Variants in NKAIN3 observed in about 807,000 individuals in gnomAD.
NKAIN3 encodes the protein sodium/potassium transporting ATPase interacting 3.
In NKAIN3, 25 loss-of-function variants were observed where a neutral mutation model predicts 30.2. The ratio of observed to expected loss-of-function variants is 0.83; its 90% CI spans 0.60 to 1.16. NKAIN3 has a LOEUF of 1.16. Ranked by LOEUF, NKAIN3 falls within the 50% of genes most tolerant of loss-of-function variation. The probability of loss-of-function intolerance (pLI) is 0.00; values close to 1 mark genes in which losing one functional copy is unlikely to be tolerated. For missense variants in NKAIN3, 225 were observed against 254.1 expected (o/e 0.89, Z 0.78); for synonymous variants, 91 against 89.6 (o/e 1.02, Z -0.09).
At chr8:62,627,653 C>G (rs959139523) in intron 3 of NKAIN3, among the ~76,000 whole-genome samples, 1 of 152,086 alleles carries the variant, frequency 6.6e-6, no homozygotes, top group African/African-American at 2.4e-5. Flanking sequence ...TTACAACTTA[C>G]CTTTCACAAC....
At chr8:62,387,248 C>A (rs562256592) in intron 1 of NKAIN3, among the ~76,000 whole-genome samples, 48 of 151,398 alleles carry the variant, frequency 3.2e-4, no homozygotes, top group Middle Eastern at 3.4e-3. Context: ...GCGTGGGCCA[C>A]ATGGTAAAAG....
intron 4 of NKAIN3, among the ~76,000 whole-genome samples, chr8:62,829,043 G>T (rs1007897): frequency 0.72 from 108,803 of 152,052 alleles, 39,114 homozygotes; most frequent in Non-Finnish European, 0.76. Flanking sequence ...TGCTAAGTTT[G>T]GGGAGGTTTA....
intron 3 of NKAIN3, among the ~76,000 whole-genome samples, chr8:62,593,292 G>A (rs532390796): frequency 1.3e-5 from 2 of 151,450 alleles, no homozygotes; most frequent in Non-Finnish European, 2.9e-5. Context: ...ACAAATCAAA[G>A]AAGAAATTTA....
intron 4 of NKAIN3, among the ~76,000 whole-genome samples, chr8:62,807,699 C>A (rs1818344037): frequency 6.6e-6 from 1 of 150,526 alleles, no homozygotes. Flanking sequence ...ACTACAGGTG[C>A]ATGCCACCAC....
chr8:62,941,349 GACACTATTCCACAAGACAGAGAA>G (rs1261775881), intron 5 of NKAIN3, among the ~76,000 whole-genome samples: 4 of 151,976 alleles, frequency 2.6e-5, no homozygotes, highest in Non-Finnish European at 5.9e-5. Flanking sequence ...CAATACTATT[GACACTATTCCACAAGACAGAGAA>G]AGAAGAAATT....
At chr8:62,995,889 A>G (rs57646286) in intron 5 of NKAIN3, among the ~76,000 whole-genome samples, 29,661 of 152,210 alleles carry the variant, frequency 0.19, 3,005 homozygotes, top group East Asian at 0.41. Flanking sequence ...GGAGCTTGTT[A>G]GAAATGCAAA....
Position 62,833,737 on chromosome 8 carries a change from G to T in NKAIN3, c.472-84716G>T, listed in dbSNP as rs557035021. Among the ~76,000 whole-genome samples, 3 of 151,068 alleles carry T rather than the reference G, an allele frequency of 2.0e-5. No individual in the cohort carries two copies. In the East Asian group the frequency reaches 5.9e-4, roughly 29 times the overall value. On this transcript the variant is annotated intron_variant, in intron 4 of 6. Coordinates refer to ENST00000623646, the MANE Select transcript of NKAIN3 (RefSeq NM_001304533.3). The stretch of plus-strand genomic sequence containing the variant: ...CCACATGGATTCACAGCCAAGTCCT[G>T]CAAGATGTACAAAGAAGAGCTGATA...
At chr8:62,442,606 A>AT (rs1435269746) in intron 1 of NKAIN3, among the ~76,000 whole-genome samples, 1 of 151,042 alleles carries the variant, frequency 6.6e-6, no homozygotes, top group Non-Finnish European at 1.5e-5. Flanking sequence ...GCTGCCTTTA[A>AT]TTTTTTTATT....
chr8:62,661,609 C>T (rs1812946021), intron 3 of NKAIN3, among the ~76,000 whole-genome samples: 1 of 152,120 alleles, frequency 6.6e-6, no homozygotes, highest in African/African-American at 2.4e-5. Flanking sequence ...TCCTCCCTCC[C>T]TCTCTCTTCC....
At chr8:62,993,927 T>A (rs982102507) in intron 5 of NKAIN3, among the ~76,000 whole-genome samples, 18 of 152,188 alleles carry the variant, frequency 1.2e-4, no homozygotes, top group Non-Finnish European at 2.4e-4. Flanking sequence ...GCCCCATAAC[T>A]TATAAACCAT....
At position 62,947,358 on chromosome 8, in the gene NKAIN3, G is replaced by C. The variant is rs147419488; in HGVS notation, c.533-6544G>C. ...AAACATGAATTAAAGTTCTAGTGAA[G>C]AAGAAGAATTAAATTGATATATTTG... On this transcript the variant is annotated intron_variant, in intron 5 of 6. Transcript: ENST00000623646. Among the ~76,000 whole-genome samples, 9 of 152,310 alleles carry C rather than the reference G, an allele frequency of 5.9e-5. No homozygotes were observed. The East Asian group carries it at 1.3e-3, about 23-fold the overall frequency.
chr8:62,782,322 G>A (rs536257838), intron 4 of NKAIN3, among the ~76,000 whole-genome samples: 23 of 152,130 alleles, frequency 1.5e-4, no homozygotes, highest in African/African-American at 4.8e-4. Context: ...CTGTTGGAGG[G>A]AATGTAAATA....
chr8:62,525,531 A>C (rs1808277918), intron 1 of NKAIN3, among the ~76,000 whole-genome samples: 1 of 152,152 alleles, frequency 6.6e-6, no homozygotes, highest in African/African-American at 2.4e-5. Flanking sequence ...TTTGCTAAGG[A>C]TAATGGCCTC....
At chr8:62,519,923 C>T (rs1808104904) in intron 1 of NKAIN3, among the ~76,000 whole-genome samples, 2 of 152,166 alleles carry the variant, frequency 1.3e-5, no homozygotes, top group South Asian at 2.1e-4. Context: ...ACCAGCCAGG[C>T]CTCCTGAGGA....
chr8:62,719,539 T>C (rs1815016038), intron 3 of NKAIN3, among the ~76,000 whole-genome samples: 1 of 152,198 alleles, frequency 6.6e-6, no homozygotes, highest in African/African-American at 2.4e-5. Context: ...AGTTCTGACA[T>C]GATCTAGTCC....
chr8:62,485,704 T>C (rs749721351), intron 1 of NKAIN3, among the ~76,000 whole-genome samples: 37 of 152,096 alleles, frequency 2.4e-4, no homozygotes, highest in Non-Finnish European at 4.4e-4. Context: ...CAAGATCAGG[T>C]AAGAGGCTGT....
At chr8:62,396,724 A>G (rs1817778792) in intron 1 of NKAIN3, among the ~76,000 whole-genome samples, 2 of 152,154 alleles carry the variant, frequency 1.3e-5, no homozygotes, top group African/African-American at 4.8e-5. Flanking sequence ...TCCTATGACA[A>G]GTTCTTCATT....
In NKAIN3 at chr8:62,938,204, G is replaced by A. The variant is rs919957940; in HGVS notation, c.533-15698G>A. On this transcript the variant is annotated intron_variant, in intron 5 of 6. Coordinates refer to ENST00000623646, the MANE Select transcript of NKAIN3 (RefSeq NM_001304533.3). ...CTGAGAAAGCTGAGTGCTCCTCCAG[G>A]TGACCGTAGGGGAAGTTTGTATCCT... Among the ~76,000 whole-genome samples, 17 of 152,036 alleles carry A rather than the reference G, an allele frequency of 1.1e-4. 1 individual carries two copies. Among genetic ancestry groups the A allele is most frequent in the African/African-American group, 3.1e-4 (13 of 41,350 alleles).
chr8:62,814,100 C>T (rs567800013), intron 4 of NKAIN3, among the ~76,000 whole-genome samples: 87 of 152,044 alleles, frequency 5.7e-4, no homozygotes, highest in African/African-American at 1.9e-3. Flanking sequence ...GATAGTTTGA[C>T]TATATTGTGA....
Sources: allele counts gnomAD v4.1 joint callset (sites outside exome capture counted in the v4.1 genomes callset), GRCh38; gene constraint gnomAD v4.1.1; transcripts MANE v1.5; gene names NCBI Gene and HGNC (gene_info 2026-07-23, HGNC 2026-07-21).